DLC1: variants seen among roughly 807,000 people sequenced by gnomAD.
DLC1 encodes DLC1 Rho GTPase activating protein.
DLC1 carries 54 observed loss-of-function variants against 140.3 expected under a neutral mutation model. That is an observed-to-expected ratio of 0.38 (90% confidence interval 0.31 to 0.48). The LOEUF (loss-of-function observed/expected upper bound fraction) is 0.48. Ranked by LOEUF, DLC1 falls within the 20% of genes least tolerant of loss-of-function variation. The pLI is 0.96. For synonymous variants in DLC1, 986 were observed against 728.1 expected (o/e 1.35, Z -5.70); for missense variants, 2,536 against 1,907.0 (o/e 1.33, Z -6.14).
chr8:13,425,230 T>C (rs1838510234), intron 2 of DLC1, among the ~76,000 whole-genome samples: 1 of 151,974 alleles, frequency 6.6e-6, no homozygotes, highest in Non-Finnish European at 1.5e-5. Flanking sequence ...GAGCACAGGA[T>C]GGGAAGAAAA....
At chr8:13,483,612 G>T (rs1414293224) in intron 2 of DLC1, among the ~76,000 whole-genome samples, 1 of 152,116 alleles carries the variant, frequency 6.6e-6, no homozygotes, top group Non-Finnish European at 1.5e-5. Flanking sequence ...GAGAGAGAGT[G>T]TGTGAGAGGT....
chr8:13,414,843 T>C (rs1322119703), intron 2 of DLC1, among the ~76,000 whole-genome samples: 2 of 152,058 alleles, frequency 1.3e-5, no homozygotes, highest in Non-Finnish European at 2.9e-5. Context: ...CAGAGTCTTG[T>C]TCTGTCACCC....
At chr8:13,094,712 C>A (rs1476027091) in intron 12 of DLC1, 47 bp downstream of exon 12, 4 of 1,608,648 alleles carry the variant, frequency 2.5e-6, no homozygotes, top group East Asian at 2.2e-5. Flanking sequence ...TTCAGTTGGT[C>A]CCATTTTTCC....
intron 2 of DLC1, among the ~76,000 whole-genome samples, chr8:13,443,982 T>C (rs775110449): frequency 6.6e-6 from 1 of 152,200 alleles, no homozygotes. Flanking sequence ...CAAAGCATTG[T>C]ATGAATCATG....
At chr8:13,239,523 C>T (rs924547177) in intron 5 of DLC1, among the ~76,000 whole-genome samples, 5 of 152,234 alleles carry the variant, frequency 3.3e-5, no homozygotes, top group African/African-American at 1.2e-4. Flanking sequence ...GCTGGATCTG[C>T]GGCTGTGATC....
chr8:13,418,693 G>C (rs1304415854), intron 2 of DLC1, among the ~76,000 whole-genome samples: 2 of 152,142 alleles, frequency 1.3e-5, no homozygotes, highest in African/African-American at 4.8e-5. Flanking sequence ...ACTTGGCGAT[G>C]CGGGCTCTTT....
intron 5 of DLC1, among the ~76,000 whole-genome samples, chr8:13,270,935 A>G (rs1222818500): frequency 1.3e-5 from 2 of 152,148 alleles, no homozygotes; most frequent in African/African-American, 4.8e-5. Flanking sequence ...TTCATGACGT[A>G]GGTGCTGTTA....
intron 5 of DLC1, among the ~76,000 whole-genome samples, chr8:13,259,054 G>A (rs149871053): frequency 1.3e-3 from 194 of 150,160 alleles, no homozygotes; most frequent in African/African-American, 4.5e-3. Context: ...GGAGAATGGC[G>A]TGAACCCGGG....
At chr8:13,421,512 C>G (rs569789642) in intron 2 of DLC1, among the ~76,000 whole-genome samples, 386 of 152,244 alleles carry the variant, frequency 2.5e-3, no homozygotes, top group African/African-American at 8.1e-3. Flanking sequence ...ACGGAAAAAG[C>G]ATAAACAGCT....
intron 4 of DLC1, among the ~76,000 whole-genome samples, chr8:13,383,261 C>G (rs574227215): frequency 2.0e-5 from 3 of 152,256 alleles, no homozygotes; most frequent in Admixed American, 2.0e-4. Context: ...TTGTATAGAC[C>G]AGTGACACTT....
At chr8:13,246,715 T>C (rs762834956) in intron 5 of DLC1, among the ~76,000 whole-genome samples, 9 of 152,126 alleles carry the variant, frequency 5.9e-5, no homozygotes, top group Non-Finnish European at 1.2e-4. Context: ...TGCATGCCAT[T>C]GCTTCACTAA....
intron 4 of DLC1, among the ~76,000 whole-genome samples, chr8:13,346,287 A>T (rs1161254059): frequency 6.6e-6 from 1 of 152,204 alleles, no homozygotes; most frequent in Non-Finnish European, 1.5e-5. Flanking sequence ...TTCTCCATTC[A>T]GCTAAGGTTA....
intron 5 of DLC1, among the ~76,000 whole-genome samples, chr8:13,267,039 C>T (rs988716512): frequency 2.6e-5 from 4 of 152,158 alleles, no homozygotes; most frequent in East Asian, 3.9e-4. Flanking sequence ...TTGACATGCA[C>T]GTGCTAATTT....
intron 4 of DLC1, among the ~76,000 whole-genome samples, chr8:13,312,934 C>G (rs148678201): frequency 3.2e-4 from 48 of 152,256 alleles, no homozygotes; most frequent in African/African-American, 9.9e-4. Flanking sequence ...CCAATTGACT[C>G]AAAATGGCTG....
At chr8:13,269,725 A>C (rs1428719936) in intron 5 of DLC1, among the ~76,000 whole-genome samples, 1 of 145,830 alleles carries the variant, frequency 6.9e-6, no homozygotes, top group East Asian at 2.1e-4. Flanking sequence ...AAAAAAAAAA[A>C]GACACATTAT....
intron 5 of DLC1, among the ~76,000 whole-genome samples, chr8:13,190,884 G>A (rs1238962951): frequency 6.6e-6 from 1 of 152,030 alleles, no homozygotes; most frequent in African/African-American, 2.4e-5. Context: ...CACTAACTCC[G>A]TTTCCACCCT....
chr8:13,556,808 G>A (rs533147289), intron 1 of DLC1, among the ~76,000 whole-genome samples: 2 of 152,174 alleles, frequency 1.3e-5, no homozygotes, highest in African/African-American at 4.8e-5. Flanking sequence ...ACGCTGCTGA[G>A]TAGCCAGATC....
At chr8:13,276,915 T>G (rs2117407843) in intron 5 of DLC1, 1 of 152,392 alleles carries the variant, frequency 6.6e-6, no homozygotes, top group Middle Eastern at 3.4e-3. Flanking sequence ...TAACTCATGG[T>G]TTTAGATTAG....
At chr8:13,435,901 C>T (rs912853425) in intron 2 of DLC1, among the ~76,000 whole-genome samples, 1 of 152,156 alleles carries the variant, frequency 6.6e-6, no homozygotes, top group East Asian at 1.9e-4. Context: ...TTGCCATGGC[C>T]ATTCCAACTA....
Sources: allele counts gnomAD v4.1 joint callset (sites outside exome capture counted in the v4.1 genomes callset), GRCh38; gene constraint gnomAD v4.1.1; transcripts MANE v1.5; gene names NCBI Gene and HGNC (gene_info 2026-07-23, HGNC 2026-07-21).